PPHLN1: variants seen among roughly 807,000 people sequenced by gnomAD.
PPHLN1 encodes periphilin-1.
In PPHLN1, 29 loss-of-function variants were observed where a neutral mutation model predicts 51.3. The observed-to-expected ratio is 0.57, with a 90% CI of 0.42 to 0.77. PPHLN1 has a LOEUF of 0.77. Ranked by LOEUF, PPHLN1 falls within the 30% of genes least tolerant of loss-of-function variation. PPHLN1 has a pLI of 0.00. For missense variants in PPHLN1, 436 were observed against 438.4 expected, an observed-to-expected ratio of 0.99 and a Z score of 0.05; for synonymous variants, 147 against 147.8, an observed-to-expected ratio of 0.99 and a Z score of 0.04.
downstream of PPHLN1, chr12:42,446,103 C>T (rs1423820618): frequency 1.9e-6 from 3 of 1,554,352 alleles, no homozygotes; most frequent in Non-Finnish European, 8.7e-7. Context: ...CCCCTGCAGC[C>T]CCGGAAGAAA....
chr12:42,335,447 T>C (rs757619357), intron 1 of PPHLN1, among the ~76,000 whole-genome samples: 12 of 152,026 alleles, frequency 7.9e-5, no homozygotes, highest in Non-Finnish European at 1.5e-4. Flanking sequence ...ATGAAGACTG[T>C]AGAAAAGCAA....
intron 8 of PPHLN1, 75 bp downstream of exon 8, chr12:42,393,764 T>G (rs1474018200): frequency 6.9e-7 from 1 of 1,442,870 alleles, no homozygotes; most frequent in African/African-American, 1.4e-5. Context: ...CGAAAAATAT[T>G]TGGTTTATTC....
intron 9 of PPHLN1, among the ~76,000 whole-genome samples, chr12:42,400,688 G>A (rs1416255521): frequency 6.6e-6 from 1 of 151,774 alleles, no homozygotes; most frequent in Non-Finnish European, 1.5e-5. Context: ...GTTCTTAAAA[G>A]GAGAGGTTCT....
At chr12:42,390,488 T>TA (rs1378394430) in intron 7 of PPHLN1, among the ~76,000 whole-genome samples, 2 of 151,646 alleles carry the variant, frequency 1.3e-5, no homozygotes, top group African/African-American at 4.9e-5. Flanking sequence ...AGTTACAACA[T>TA]AGAGTTTTGT....
At chr12:42,351,825 C>A in intron 2 of PPHLN1, 60 bp from the exon 3 acceptor site, 1 of 1,430,726 alleles carries the variant, frequency 7.0e-7, no homozygotes, top group Non-Finnish European at 9.3e-7. Context: ...TTTTAAAAAC[C>A]TTTCCAAAAC....
intron 7 of PPHLN1, among the ~76,000 whole-genome samples, chr12:42,392,151 G>T (rs962714579): frequency 1.3e-5 from 2 of 152,182 alleles, no homozygotes; most frequent in African/African-American, 4.8e-5. Flanking sequence ...AGGAGGCGGA[G>T]GTTGCAGTGA....
intron 9 of PPHLN1, among the ~76,000 whole-genome samples, chr12:42,414,107 G>T (rs2080145116): frequency 6.6e-6 from 1 of 151,906 alleles, no homozygotes; most frequent in Admixed American, 6.6e-5. Flanking sequence ...CACCATCTCG[G>T]CTCACTGCAA....
rs1204762023 is a variant in PPHLN1 at position 42,355,145 on chromosome 12, CT to C, written c.238-10del. ...ATAATGTAAACAAATAGCTAAGTAG[CT>C]TTTTTATGTTACAGGATGAATCTGG... On this transcript the variant is annotated splice_polypyrimidine_tract_variant and intron_variant, in intron 3 of 9. Transcript: ENST00000358314. 1.2e-6 allele frequency: 2 copies of C among 1,612,164 alleles called. No individual in the cohort carries two copies. Among genetic ancestry groups the C allele is most frequent in the South Asian group, 2.2e-5 (2 of 91,020 alleles).
rs570806129 is a variant in PPHLN1, at chr12:42,438,587, G to GT, written c.910-2721dup. Among the ~76,000 whole-genome samples, 21 of 151,978 alleles carry GT rather than the reference G, an allele frequency of 1.4e-4. No homozygotes were observed. In the South Asian group the frequency reaches 2.5e-3, roughly 18 times the overall value. ...TTTTATAATTGGGTTGTTTCTTACTGTTTTTTTGTTTTTTGTTTTTGTTTT... is the reference window on the plus strand; with the variant it reads ...TTTTATAATTGGGTTGTTTCTTACTGTTTTTTTTGTTTTTTGTTTTTGTTTT... On this transcript the variant is annotated intron_variant, in intron 9 of 9. Coordinates refer to ENST00000358314, the MANE Select transcript of PPHLN1 (RefSeq NM_201439.2).
At chr12:42,405,854 CT>C (rs754048548) in intron 9 of PPHLN1, among the ~76,000 whole-genome samples, 5 of 150,836 alleles carry the variant, frequency 3.3e-5, no homozygotes, top group African/African-American at 9.8e-5. Context: ...TTATGTTTTG[CT>C]TTTTTTTTAA....
intron 8 of PPHLN1, among the ~76,000 whole-genome samples, chr12:42,395,699 G>T (rs2078141283): frequency 6.6e-6 from 1 of 152,136 alleles, no homozygotes; most frequent in African/African-American, 2.4e-5. Context: ...GTGTATGTGT[G>T]TGTGTGCATG....
chr12:42,398,694 T>TA, intron 8 of PPHLN1, 160 bp from the exon 9 acceptor site: 2 of 525,900 alleles, frequency 3.8e-6, no homozygotes, highest in South Asian at 5.6e-5. Flanking sequence ...CCATTTCACA[T>TA]ATGCTCATTA....
At chr12:42,437,475 T>C (rs1323428094) in intron 9 of PPHLN1, among the ~76,000 whole-genome samples, 1 of 152,170 alleles carries the variant, frequency 6.6e-6, no homozygotes, top group African/African-American at 2.4e-5. Context: ...TTAAGAAACC[T>C]TTTTTTCTTT....
chr12:42,335,964 G>A lies in PPHLN1; in HGVS notation c.62G>A (p.Ser21Asn), dbSNP rs748832878. The A allele has an allele frequency of 2.5e-6, 4 of 1,578,576 alleles. No individual in the cohort carries two copies. Among genetic ancestry groups the A allele is most frequent in the Non-Finnish European group, 3.4e-6 (4 of 1,159,882 alleles). ...RIPRERAPPR[S>N]HPSDGYNRLV... ...CCGAGAGAACGAGCACCTCCTCGAAGTCATCCCAGTGTAAGTTACTCCTAC... is the reference window on the plus strand; with the variant it reads ...CCGAGAGAACGAGCACCTCCTCGAAATCATCCCAGTGTAAGTTACTCCTAC... The change falls in exon 2 of 10, where the codon AGT becomes AAT. Residue 21 changes from serine (S) to asparagine (N), a missense_variant. Transcript: ENST00000358314.
In PPHLN1 at chr12:42,389,740, G is replaced by A. The variant is rs80165728; in HGVS notation, c.648+2205G>A. On this transcript the variant is annotated intron_variant, in intron 7 of 9. Transcript: ENST00000358314. ...TCTTGACCATAAGCAGGTTGGATGG[G>A]TTATATCTGGTGGATTGTGCTTTTA... is the stretch of plus-strand genomic sequence containing the variant. Among the ~76,000 whole-genome samples, 29 of 152,284 alleles carry A rather than the reference G, an allele frequency of 1.9e-4. 1 individual carries two copies. The East Asian group carries it at 5.6e-3, about 29-fold the overall frequency.
intron 5 of PPHLN1, among the ~76,000 whole-genome samples, chr12:42,384,027 A>T (rs1293766294): frequency 6.8e-6 from 1 of 147,390 alleles, no homozygotes; most frequent in African/African-American, 2.5e-5. Flanking sequence ...AATCAAGAAT[A>T]GTGTTGACAG....
intron 9 of PPHLN1, among the ~76,000 whole-genome samples, chr12:42,439,597 G>A (rs993910057): frequency 3.9e-5 from 6 of 152,142 alleles, no homozygotes; most frequent in Non-Finnish European, 2.9e-5. Context: ...TCACTGCGAC[G>A]TCTGCCTCCC....
At chr12:42,392,221 G>A (rs888840937) in intron 7 of PPHLN1, among the ~76,000 whole-genome samples, 2 of 151,894 alleles carry the variant, frequency 1.3e-5, no homozygotes, top group East Asian at 1.9e-4. Context: ...ATTCCCCCTC[G>A]CCCCTCCCAA....
At chr12:42,346,840 G>T (rs1319538835) in intron 2 of PPHLN1, among the ~76,000 whole-genome samples, 8 of 152,068 alleles carry the variant, frequency 5.3e-5, no homozygotes, top group Non-Finnish European at 1.5e-5. Context: ...TTTCCCTGTG[G>T]TTAGTGATGT....
Sources: gnomAD v4.1 joint callset for allele counts (sites outside exome capture counted in the v4.1 genomes callset) on GRCh38, gnomAD v4.1.1 for gene constraint, MANE v1.5 for transcripts, NCBI Gene and HGNC (gene_info 2026-07-23, HGNC 2026-07-21) for gene names.